The following MANBA variants were observed in gnomAD, a reference collection of about 807,000 sequenced individuals.
The protein encoded by MANBA is mannosidase beta.
A neutral mutation model predicts 111.1 loss-of-function variants in MANBA; 83 were observed. The observed-to-expected ratio is 0.75, with a 90% CI of 0.63 to 0.90. MANBA has a LOEUF of 0.90. MANBA is among the 40% of genes least tolerant of loss of function. The pLI, the probability that MANBA is intolerant of heterozygous loss-of-function variation, is 0.00. For missense variants in MANBA, 1,036 were observed against 1,069.0 expected (o/e 0.97, Z 0.43); for synonymous variants, 370 against 378.7 (o/e 0.98, Z 0.27).
chr4:102,753,902 G>A (rs894312002), intron 1 of MANBA: 1 of 437,450 alleles, frequency 2.3e-6, no homozygotes, highest in African/African-American at 2.1e-5. Context: ...GAGCAACACG[G>A]TGAGACCATG....
chr4:102,697,944 C>T (rs1350985461), intron 5 of MANBA, among the ~76,000 whole-genome samples: 1 of 151,834 alleles, frequency 6.6e-6, no homozygotes. Flanking sequence ...CTGACTTCCA[C>T]AATGGTTGAA....
chr4:102,737,558 C>A (rs1434526164), intron 1 of MANBA, among the ~76,000 whole-genome samples: 1 of 152,098 alleles, frequency 6.6e-6, no homozygotes, highest in Non-Finnish European at 1.5e-5. Context: ...TCTCTGCTCA[C>A]TGCAAGCTCC....
chr4:102,749,178 A>G (rs1723696077), intron 1 of MANBA, among the ~76,000 whole-genome samples: 1 of 152,192 alleles, frequency 6.6e-6, no homozygotes, highest in African/African-American at 2.4e-5. Context: ...TTTATTATAA[A>G]TAGGTAAAAT....
At chr4:102,645,865 T>G (rs1324374676) in intron 13 of MANBA, among the ~76,000 whole-genome samples, 2 of 152,116 alleles carry the variant, frequency 1.3e-5, no homozygotes, top group Non-Finnish European at 2.9e-5. Flanking sequence ...TCTAATGAGG[T>G]CTTTATTTAA....
intron 4 of MANBA, among the ~76,000 whole-genome samples, chr4:102,717,745 G>T (rs1722399701): frequency 1.3e-5 from 2 of 152,146 alleles, no homozygotes; most frequent in Non-Finnish European, 2.9e-5. Context: ...GGAGGTGCAG[G>T]ACAGTCTGAT....
intron 12 of MANBA, 116 bp from the exon 13 acceptor site, chr4:102,650,817 G>C: frequency 1.3e-6 from 1 of 783,714 alleles, no homozygotes; most frequent in Non-Finnish European, 2.2e-6. Flanking sequence ...CTTGAGGTTT[G>C]TTCTGTGGCT....
intron 10 of MANBA, chr4:102,668,541 C>A: frequency 1.5e-5 from 3 of 194,232 alleles, no homozygotes; most frequent in Non-Finnish European, 2.2e-5. Flanking sequence ...ATCAAGGAAT[C>A]AATAATCAAT....
chr4:102,704,552 C>CT (rs33966905), intron 5 of MANBA, among the ~76,000 whole-genome samples: 2 of 151,900 alleles, frequency 1.3e-5, no homozygotes, highest in African/African-American at 2.4e-5. Flanking sequence ...TTATATGTAC[C>CT]TTTTTTTATT....
chr4:102,636,937 G>A (rs1225433071), intron 14 of MANBA, among the ~76,000 whole-genome samples: 2 of 152,116 alleles, frequency 1.3e-5, no homozygotes, highest in Non-Finnish European at 2.9e-5. Flanking sequence ...GACCTGGTAG[G>A]AGGTAACTGA....
intron 1 of MANBA, among the ~76,000 whole-genome samples, chr4:102,760,061 A>C (rs1242824488): frequency 2.0e-5 from 3 of 151,082 alleles, no homozygotes; most frequent in Non-Finnish European, 4.4e-5. Flanking sequence ...CCCCACAAGT[A>C]GTCTGTAAAT....
chr4:102,639,307 T>G (rs575732945), intron 14 of MANBA, among the ~76,000 whole-genome samples: 2 of 152,290 alleles, frequency 1.3e-5, no homozygotes, highest in Admixed American at 6.5e-5. Context: ...CTTTAACACA[T>G]AAGCGGGCCA....
rs550924058 is a variant in MANBA at position 102,708,325 on chromosome 4, A to G, written c.673+6113T>C. ...TATCTTTTCAGACCACAACGGAATAAAACTAGAAATCAATAACAAGAGGAA... is the reference window on the plus strand; with the variant it reads ...TATCTTTTCAGACCACAACGGAATAGAACTAGAAATCAATAACAAGAGGAA... On this transcript the variant is annotated intron_variant, in intron 5 of 16. Coordinates refer to ENST00000647097, the MANE Select transcript of MANBA (RefSeq NM_005908.4). Among the ~76,000 whole-genome samples, 3 of 152,276 alleles carry G rather than the reference A, an allele frequency of 2.0e-5. No homozygotes were observed. In the South Asian group the frequency reaches 6.2e-4, roughly 32 times the overall value.
intron 7 of MANBA, among the ~76,000 whole-genome samples, chr4:102,688,386 T>TACACACACACAC (rs70937563): frequency 0.038 from 5,274 of 140,476 alleles, 148 homozygotes; most frequent in Admixed American, 0.082. Flanking sequence ...CCTCCCCCCT[T>TACACACACACAC]ACACACACAC....
intron 1 of MANBA, among the ~76,000 whole-genome samples, chr4:102,741,545 C>T (rs1287332769): frequency 6.6e-6 from 1 of 152,144 alleles, no homozygotes; most frequent in Non-Finnish European, 1.5e-5. Flanking sequence ...CCTAAATGCC[C>T]ATCAACCAAC....
chr4:102,679,815 T>C (rs909137237), intron 7 of MANBA: 1 of 152,134 alleles, frequency 6.6e-6, no homozygotes, highest in Non-Finnish European at 1.5e-5. Flanking sequence ...ATAAGTTTGG[T>C]AGAGATTCAT....
At chr4:102,736,965 G>A (rs569753070) in intron 1 of MANBA, among the ~76,000 whole-genome samples, 2 of 152,304 alleles carry the variant, frequency 1.3e-5, no homozygotes, top group East Asian at 1.9e-4. Flanking sequence ...TTCAGATCAC[G>A]GGAGAAGGAT....
At chr4:102,756,326 G>T (rs1459971181) in intron 1 of MANBA, among the ~76,000 whole-genome samples, 1 of 152,060 alleles carries the variant, frequency 6.6e-6, no homozygotes, top group South Asian at 2.1e-4. Context: ...CCTTTGTAGG[G>T]ACATGGATGA....
At chr4:102,652,002 C>A (rs1730355420) in intron 12 of MANBA, among the ~76,000 whole-genome samples, 4 of 152,112 alleles carry the variant, frequency 2.6e-5, no homozygotes, top group Non-Finnish European at 4.4e-5. Flanking sequence ...TTATGGGGTA[C>A]CATGTTATAA....
chr4:102,739,365 T>C (rs1723324600), intron 1 of MANBA, among the ~76,000 whole-genome samples: 1 of 152,224 alleles, frequency 6.6e-6, no homozygotes, highest in Non-Finnish European at 1.5e-5. Context: ...AGCTGAATTC[T>C]ATCAGACATT....
Sources: allele counts gnomAD v4.1 joint callset (sites outside exome capture counted in the v4.1 genomes callset), GRCh38; gene constraint gnomAD v4.1.1; transcripts MANE v1.5; gene names NCBI Gene and HGNC (gene_info 2026-07-23, HGNC 2026-07-21).